SLC34A3: variants seen among roughly 807,000 people sequenced by gnomAD.
SLC34A3 encodes the protein solute carrier family 34 member 3.
In SLC34A3, 60 loss-of-function variants were observed where a neutral mutation model predicts 43.9. That is an observed-to-expected ratio of 1.37 (90% CI 1.11 to 1.70). The LOEUF is 1.70. SLC34A3 is among the 40% of genes most tolerant of loss of function. SLC34A3 has a pLI of 0.00. For synonymous variants in SLC34A3, 451 were observed against 386.2 expected (o/e 1.17, Z -1.97); for missense variants, 969 against 823.8 (o/e 1.18, Z -2.16).
chr9:137,236,172 G>T lies in SLC34A3; in HGVS notation c.1556G>T (p.Gly519Val), dbSNP rs1409293542. ...AGGMELAAVG[G>V]PLVGLVLLVI... ...GGCATGGAGCTGGCCGCTGTCGGGG[G>T]TCCCCTGGTGGGGCTGGTGCTCCTC... Residue 519 changes from glycine (G) to valine (V), a missense_variant, in exon 13 of 13, where the codon GGT becomes GTT. Physicochemically the swap from Gly to Val is moderately radical, Grantham distance 109 (BLOSUM62 -3). Transcript: ENST00000673835. 6 of 1,606,592 alleles carry T rather than the reference G, an allele frequency of 3.7e-6. No individual in the cohort carries two copies. Among genetic ancestry groups the T allele is most frequent in the East Asian group, 2.2e-5 (1 of 44,722 alleles).
chr9:137,235,424 CCT>C (rs1338946498), intron 12 of SLC34A3, among the ~76,000 whole-genome samples: 2 of 152,132 alleles, frequency 1.3e-5, no homozygotes, highest in East Asian at 1.9e-4. Flanking sequence ...TTGCCTCTGC[CCT>C]GTCTCTATCC....
At position 137,234,350 on chromosome 9, in the gene SLC34A3, C is replaced by G. The variant is rs545423705; in HGVS notation, c.1094-66C>G. 4 of 1,599,796 alleles carry G rather than the reference C, an allele frequency of 2.5e-6. No homozygotes were observed. Among genetic ancestry groups the G allele is most frequent in the African/African-American group, 1.3e-5 (1 of 74,848 alleles). ...CCATAGACTTCCCCTTCCCACCAGG[C>G]TGACTCGGGGGCTACCTGGCCCTCC... is the stretch of plus-strand genomic sequence containing the variant. On this transcript the variant is annotated intron_variant, in intron 10 of 12. Coordinates refer to ENST00000673835, the MANE Select transcript of SLC34A3 (RefSeq NM_001177316.2). The surrounding 1 kb of genome is among the most constrained non-coding windows in gnomAD (Gnocchi z 6.9).
At chr9:137,229,956 C>T (rs933631872), upstream of SLC34A3, among the ~76,000 whole-genome samples, 3 of 152,134 alleles carry the variant, frequency 2.0e-5, no homozygotes, top group African/African-American at 7.2e-5. Context: ...GGACTGCTGC[C>T]CCCCACCCCC....
At chr9:137,233,779 T>TCCCACCC in intron 8 of SLC34A3, 57 bp downstream of exon 8, 1 of 1,445,826 alleles carries the variant, frequency 6.9e-7, no homozygotes. Flanking sequence ...TGCTGAGTCA[T>TCCCACCC]CCCGCCCCAC....
At chr9:137,231,889 C>T (rs1250206820) in intron 2 of SLC34A3, 102 bp downstream of exon 2, 28 of 1,206,850 alleles carry the variant, frequency 2.3e-5, no homozygotes, top group Admixed American at 1.7e-5. Context: ...TCCCGGGGAA[C>T]CCACAGGGCT....
chr9:137,233,478 T>G (rs2131410619), intron 7 of SLC34A3, 74 bp downstream of exon 7: 1 of 1,584,846 alleles, frequency 6.3e-7, no homozygotes, highest in Non-Finnish European at 8.6e-7. Flanking sequence ...CGCCCTGCCC[T>G]GATGGAGGGT....
Position 137,233,193 on chromosome 9 carries a change from C to G in SLC34A3, c.561-16C>G. On this transcript the variant is annotated splice_polypyrimidine_tract_variant and intron_variant, in intron 6 of 12. Transcript: ENST00000673835. ...GGGCCCCCCCACCTGACCCTGCCCA[C>G]TCTCTGCGGCCACAGGGCTTTCAGC... 1 of 1,569,342 alleles carries G rather than the reference C, an allele frequency of 6.4e-7. No individual in the cohort carries two copies. The highest frequency in any genetic ancestry group is 2.4e-5 in the East Asian group (1 of 42,090).
In SLC34A3 at chr9:137,234,835, G is replaced by C. The variant is rs1306335730; in HGVS notation, c.1335+104G>C. Reference sequence around the variant, plus strand: ...GGGGCCCTAGGCTGGCTGTGCCCCCGCCTTCCTGGACCCCTTCCCTGGCCG... The same window carrying C: ...GGGGCCCTAGGCTGGCTGTGCCCCCCCCTTCCTGGACCCCTTCCCTGGCCG... On this transcript the variant is annotated intron_variant, in intron 12 of 12. Transcript: ENST00000673835. This position sits in a 1 kb window ranked among gnomAD's most constrained non-coding sequence, Gnocchi z 6.9. The C allele has an allele frequency of 1.3e-6, 2 of 1,548,206 alleles. No homozygotes were observed. The highest frequency in any genetic ancestry group is 1.7e-5 in the Admixed American group (1 of 58,634).
Position 137,232,631 on chromosome 9 carries a change from G to C in SLC34A3, c.232G>C (p.Gly78Arg). Residue 78 changes from glycine (G) to arginine (R), a missense_variant, in exon 4 of 13, where the codon GGG (glycine) becomes CGG (arginine). Transcript: ENST00000673835. ...RVAGSVLKAC[G>R]LLGSLYFFIC... The stretch of plus-strand genomic sequence containing the variant: ...GGCCGGCAGCGTCCTCAAGGCCTGC[G>C]GGCTCCTCGGCAGCCTGTACTTCTT... 1 of 1,612,614 alleles carries C rather than the reference G, an allele frequency of 6.2e-7. No individual in the cohort carries two copies. The highest frequency in any genetic ancestry group is 8.5e-7 in the Non-Finnish European group (1 of 1,179,842).
chr9:137,233,539 TGGGCA>T, intron 7 of SLC34A3, 89 bp from the exon 8 acceptor site: 6 of 1,535,206 alleles, frequency 3.9e-6, no homozygotes, highest in Non-Finnish European at 5.4e-6. Flanking sequence ...AGGGCAGCAG[TGGGCA>T]GGGCTGGGCT....
Position 137,232,765 on chromosome 9 carries a change from AC to A in SLC34A3, c.305-17del. 6.2e-7 allele frequency: 1 copy of A among 1,612,946 alleles called. No individual in the cohort carries two copies. On this transcript the variant is annotated intron_variant, in intron 4 of 12. Transcript: ENST00000673835. ...AACCAGCCCTCCGCAGCTTCAGCGCACCTCTCTTGCCGGTGTAGGCAAAGTG... is the reference window on the plus strand; with the variant it reads ...AACCAGCCCTCCGCAGCTTCAGCGCACTCTCTTGCCGGTGTAGGCAAAGTG...
At chr9:137,233,779 T>TTTGGCC in intron 8 of SLC34A3, 57 bp downstream of exon 8, 4 of 1,445,818 alleles carry the variant, frequency 2.8e-6, no homozygotes, top group South Asian at 1.2e-5. Flanking sequence ...TGCTGAGTCA[T>TTTGGCC]CCCGCCCCAC....
At position 137,233,197 on chromosome 9, in the gene SLC34A3, C is replaced by T. The variant is rs1332002399; in HGVS notation, c.561-12C>T. The stretch of plus-strand genomic sequence containing the variant: ...CCCCCCACCTGACCCTGCCCACTCT[C>T]TGCGGCCACAGGGCTTTCAGCGGCT... On this transcript the variant is annotated splice_polypyrimidine_tract_variant and intron_variant, in intron 6 of 12. Transcript: ENST00000673835. The T allele has an allele frequency of 4.5e-6, 7 of 1,571,716 alleles. No homozygotes were observed. In the South Asian group the frequency reaches 4.6e-5, roughly 10 times the overall value.
At position 137,234,566 on chromosome 9, in the gene SLC34A3, GGC is replaced by G; in HGVS notation, c.1210+35_1210+36del. The G allele has an allele frequency of 6.2e-7, 1 of 1,610,094 alleles. No individual in the cohort carries two copies. Among genetic ancestry groups the G allele is most frequent in the Non-Finnish European group, 8.5e-7 (1 of 1,178,434 alleles). ...GCAGGACAGAGGCCTCGGGAACGGGGGCTCGGGCTGGGGTCCTGTGGTGACTC... is the reference window on the plus strand; with the variant it reads ...GCAGGACAGAGGCCTCGGGAACGGGGTCGGGCTGGGGTCCTGTGGTGACTC... On this transcript the variant is annotated intron_variant, in intron 11 of 12. Coordinates refer to ENST00000673835, the MANE Select transcript of SLC34A3 (RefSeq NM_001177316.2). The surrounding 1 kb of genome is among the most constrained non-coding windows in gnomAD (Gnocchi z 6.9).
chr9:137,232,729 G>A, intron 4 of SLC34A3, 26 bp downstream of exon 4: 1 of 1,612,890 alleles, frequency 6.2e-7, no homozygotes, highest in Non-Finnish European at 8.5e-7. Context: ...GGTGCCCAGG[G>A]CGGGGCGGGC....
At chr9:137,235,340 C>T (rs1836524732) in intron 12 of SLC34A3, among the ~76,000 whole-genome samples, 1 of 152,224 alleles carries the variant, frequency 6.6e-6, no homozygotes, top group Admixed American at 6.5e-5. Context: ...GCTCCCGAAA[C>T]TCCGGGTCAT....
chr9:137,233,481 T>C lies in SLC34A3; in HGVS notation c.756+77T>C, dbSNP rs1836371332. ...GGAGGGGAGGCCCGCCCTGCCCTGA[T>C]GGAGGGTCAGCGGAGGGTCTGGGCC... On this transcript the variant is annotated intron_variant, in intron 7 of 12. Transcript: ENST00000673835. The C allele has an allele frequency of 5.7e-6, 9 of 1,585,726 alleles. No homozygotes were observed. In the East Asian group the frequency reaches 6.8e-5, roughly 12 times the overall value.
intron 8 of SLC34A3, 57 bp downstream of exon 8, chr9:137,233,779 T>TTGCG: frequency 1.4e-6 from 2 of 1,445,818 alleles, no homozygotes; most frequent in Non-Finnish European, 1.9e-6. Flanking sequence ...TGCTGAGTCA[T>TTGCG]CCCGCCCCAC....
At position 137,234,260 on chromosome 9, in the gene SLC34A3, G is replaced by T; in HGVS notation, c.1077G>T (p.Arg359Ser). 1 of 1,611,046 alleles carries T rather than the reference G, an allele frequency of 6.2e-7. No homozygotes were observed. Residue 359 changes from arginine (R) to serine (S), a missense_variant, in exon 10 of 13, where the codon AGG (arginine) becomes AGT (serine). Physicochemically the swap from Arg to Ser is moderately radical, Grantham distance 110. Transcript: ENST00000673835. This position sits in a 1 kb window ranked among gnomAD's most constrained non-coding sequence, Gnocchi z 6.9. ...GCGGCCGCGTGGCCCAGGTCGTGAG[G>T]ACAGTCATCAATGCGGGTGAGGGCG... ...VLRGRVAQVV[R>S]TVINADFPFP...
Sources: allele counts gnomAD v4.1 joint callset (sites outside exome capture counted in the v4.1 genomes callset), GRCh38; gene constraint gnomAD v4.1.1; non-coding constraint Gnocchi (gnomAD v3.1); transcripts MANE v1.5; gene names NCBI Gene and HGNC (gene_info 2026-07-23, HGNC 2026-07-21).